TRIQK: variants seen among roughly 807,000 people sequenced by gnomAD.
TRIQK encodes the protein triple QxxK/R motif containing.
Under a neutral mutation model 10.8 loss-of-function variants are expected in TRIQK, and 10 were observed. The observed-to-expected ratio is 0.92, with a 90% CI of 0.57 to 1.57. The LOEUF is 1.57. TRIQK is among the 40% of genes most tolerant of loss of function. The pLI, the probability that TRIQK is intolerant of heterozygous loss-of-function variation, is 0.00. For missense variants in TRIQK, 107 were observed against 97.7 expected (o/e 1.09, Z -0.40); for synonymous variants, 33 against 33.7 (o/e 0.98, Z 0.07).
intron 1 of TRIQK, among the ~76,000 whole-genome samples, chr8:92,984,010 G>A (rs751201163): frequency 1.3e-5 from 2 of 151,984 alleles, no homozygotes; most frequent in African/African-American, 2.4e-5. Context: ...TTTCGGTTAC[G>A]TGAAAAATAT....
rs1277981657 is a variant in TRIQK, at chr8:92,898,843, A to G, written c.62-6769T>C. 1.0e-3 allele frequency among the ~76,000 whole-genome samples: 133 copies of G among 127,444 alleles called. 1 individual carries two copies. The highest frequency in any genetic ancestry group is 3.6e-3 in the African/African-American group (118 of 32,498). The allele number at this position is 127,444 out of a possible 152,430, so 83.6% of individuals were successfully genotyped here. A position where few individuals can be genotyped will look rare whatever the true frequency, so the allele number is the denominator to read the frequency against. Reference sequence around the variant, plus strand: ...AATAGGTGTGTGTGTGTATATATATATATATATATATATATATATATATAT... The same window carrying G: ...AATAGGTGTGTGTGTGTATATATATGTATATATATATATATATATATATAT... On this transcript the variant is annotated intron_variant, in intron 3 of 4. Transcript: ENST00000521988.
At chr8:92,967,070 TTGAATCCAAAATG>T (rs1409850577), upstream of TRIQK, among the ~76,000 whole-genome samples, 2 of 151,190 alleles carry the variant, frequency 1.3e-5, no homozygotes, top group Non-Finnish European at 2.9e-5. Context: ...TGGCCAGGAA[TTGAATCCAAAATG>T]TAATTTTATT....
At chr8:92,969,761 A>G (rs533343622), upstream of TRIQK, among the ~76,000 whole-genome samples, 1 of 150,042 alleles carries the variant, frequency 6.7e-6, no homozygotes, top group Non-Finnish European at 1.5e-5. Context: ...GCATTTGTTT[A>G]TATTTTCTTT....
chr8:92,912,369 A>G (rs1414099697), intron 3 of TRIQK, among the ~76,000 whole-genome samples: 42 of 151,888 alleles, frequency 2.8e-4, no homozygotes, highest in Admixed American at 2.8e-3. Flanking sequence ...AATGTTTTGA[A>G]AGGAATGAAA....
intron 2 of TRIQK, among the ~76,000 whole-genome samples, chr8:92,942,764 G>T (rs535370484): frequency 2.3e-3 from 350 of 152,210 alleles, no homozygotes; most frequent in Non-Finnish European, 3.9e-3. Flanking sequence ...GCAAAATCTT[G>T]GTTCACTACA....
At chr8:92,982,223 A>G (rs1014123022) in intron 1 of TRIQK, among the ~76,000 whole-genome samples, 1 of 151,890 alleles carries the variant, frequency 6.6e-6, no homozygotes, top group Non-Finnish European at 1.5e-5. Flanking sequence ...GCAGTTGCAT[A>G]ATTTTCAGTA....
intron 2 of TRIQK, among the ~76,000 whole-genome samples, chr8:92,934,319 T>C (rs1810877700): frequency 1.3e-5 from 2 of 151,916 alleles, no homozygotes; most frequent in African/African-American, 4.8e-5. Context: ...ATAGAATACA[T>C]AAGCATATGT....
chr8:92,920,938 T>C (rs888602864), intron 2 of TRIQK, among the ~76,000 whole-genome samples: 2 of 151,194 alleles, frequency 1.3e-5, no homozygotes, highest in African/African-American at 2.4e-5. Context: ...GGAATAACCA[T>C]CCAGAGGGGA....
At chr8:93,002,731 C>G (rs1254768596) in intron 1 of TRIQK, among the ~76,000 whole-genome samples, 1 of 151,950 alleles carries the variant, frequency 6.6e-6, no homozygotes, top group East Asian at 1.9e-4. Context: ...ACCAGCCTGG[C>G]CAACATGGCG....
At chr8:92,926,992 A>C (rs971694189) in intron 2 of TRIQK, among the ~76,000 whole-genome samples, 1 of 152,186 alleles carries the variant, frequency 6.6e-6, no homozygotes, top group African/African-American at 2.4e-5. Flanking sequence ...TTAAGACTGC[A>C]GTGAGCTCTG....
At chr8:92,911,246 A>G (rs1809549562) in intron 3 of TRIQK, among the ~76,000 whole-genome samples, 1 of 151,392 alleles carries the variant, frequency 6.6e-6, no homozygotes, top group Non-Finnish European at 1.5e-5. Context: ...CTAATAATAG[A>G]TACAGAAAAG....
intron 2 of TRIQK, among the ~76,000 whole-genome samples, chr8:92,931,116 TTA>T (rs1425551990): frequency 6.6e-6 from 1 of 152,152 alleles, no homozygotes; most frequent in African/African-American, 2.4e-5. Context: ...GACACTGCCT[TTA>T]TGTTTAGCCC....
intron 2 of TRIQK, among the ~76,000 whole-genome samples, chr8:92,952,729 G>A (rs1012704892): frequency 5.3e-5 from 8 of 151,968 alleles, no homozygotes; most frequent in Non-Finnish European, 1.5e-5. Context: ...AGGTATGACA[G>A]TCATTAATTC....
At chr8:92,907,547 A>C (rs944264709) in intron 3 of TRIQK, among the ~76,000 whole-genome samples, 1 of 152,216 alleles carries the variant, frequency 6.6e-6, no homozygotes, top group African/African-American at 2.4e-5. Flanking sequence ...GTCGTTATTA[A>C]AAAGTAAACA....
chr8:92,999,196 G>A (rs1486309059), intron 1 of TRIQK, among the ~76,000 whole-genome samples: 2 of 152,096 alleles, frequency 1.3e-5, no homozygotes, highest in East Asian at 3.9e-4. Flanking sequence ...ACTTGCCCTT[G>A]TTGAATACTA....
chr8:92,895,914 T>C (rs768365223), intron 3 of TRIQK, among the ~76,000 whole-genome samples: 5 of 151,858 alleles, frequency 3.3e-5, no homozygotes, highest in Non-Finnish European at 7.4e-5. Context: ...AGCCTGGCCA[T>C]GTAAAGAATA....
chr8:92,886,719 A>G lies in TRIQK; in HGVS notation c.164T>C (p.Leu55Pro). 3 of 1,531,166 alleles carry G rather than the reference A, an allele frequency of 2.0e-6. No individual in the cohort carries two copies. Among genetic ancestry groups the G allele is most frequent in the Non-Finnish European group, 2.6e-6 (3 of 1,142,426 alleles). The allele number at this position is 1,531,166 out of a possible 1,614,324, so 94.8% of individuals were successfully genotyped here. The change falls in exon 5 of 5, where the codon CTT (leucine) becomes CCT (proline). Residue 55 changes from leucine to proline, a missense_variant. Leu to Pro is a moderately conservative substitution (Grantham distance 98, BLOSUM62 -3). Transcript: ENST00000521988. ...CAGTAGTAGTGCCAATATAGCTGCA[A>G]GTACAAGGCCAACTTCCTGGGAAGA... ...AIGIKEVGLV[L>P]AAILALLLAF...
At chr8:92,930,734 C>T (rs1004252757) in intron 2 of TRIQK, among the ~76,000 whole-genome samples, 2 of 152,040 alleles carry the variant, frequency 1.3e-5, no homozygotes, top group Admixed American at 6.6e-5. Context: ...TAATTGAAAA[C>T]GGGGTTATGA....
intron 1 of TRIQK, among the ~76,000 whole-genome samples, chr8:92,986,223 CT>C (rs34462292): frequency 0.14 from 20,384 of 149,350 alleles, 1,380 homozygotes; most frequent in East Asian, 0.19. Context: ...ATAAAGAAAA[CT>C]TTTTTTTTTG....
Sources: allele counts gnomAD v4.1 joint callset (sites outside exome capture counted in the v4.1 genomes callset), GRCh38; gene constraint gnomAD v4.1.1; transcripts MANE v1.5; gene names NCBI Gene and HGNC (gene_info 2026-07-23, HGNC 2026-07-21).